The following FOXN3 variants were observed in gnomAD, a reference collection of about 807,000 sequenced individuals.
FOXN3 encodes forkhead box protein N3.
In FOXN3, 7 loss-of-function variants were observed where a neutral mutation model predicts 38.4. The observed-to-expected ratio is 0.18, with a 90% CI of 0.10 to 0.34. The LOEUF is 0.34. FOXN3 is among the 10% of genes least tolerant of loss of function. The pLI, the probability that FOXN3 is intolerant of heterozygous loss-of-function variation, is 1.00. For missense variants in FOXN3, 456 were observed against 613.4 expected, an observed-to-expected ratio of 0.74 and a Z score of 2.71; for synonymous variants, 230 against 242.2, an observed-to-expected ratio of 0.95 and a Z score of 0.47.
chr14:89,170,407 CAT>C (rs1490048688), intron 5 of FOXN3, among the ~76,000 whole-genome samples: 5 of 152,160 alleles, frequency 3.3e-5, no homozygotes, highest in Admixed American at 2.6e-4. Context: ...CTGATGCACA[CAT>C]GACATCTTTT....
intron 1 of FOXN3, among the ~76,000 whole-genome samples, chr14:89,514,882 T>A (rs1017547465): frequency 2.0e-5 from 3 of 151,696 alleles, no homozygotes; most frequent in Admixed American, 6.6e-5. Context: ...TTCGACAGCA[T>A]CGAGATGGCT....
At chr14:89,299,994 C>A (rs1271667556) in intron 3 of FOXN3, among the ~76,000 whole-genome samples, 1 of 152,148 alleles carries the variant, frequency 6.6e-6, no homozygotes, top group East Asian at 1.9e-4. Flanking sequence ...TCTGTCCCAG[C>A]ACAGCAGCAT....
intron 2 of FOXN3, chr14:89,351,402 C>T (rs1888965992): frequency 6.6e-6 from 1 of 152,228 alleles, no homozygotes; most frequent in African/African-American, 2.4e-5. Flanking sequence ...TAAAGCCCAA[C>T]TCAGAATCCA....
intron 2 of FOXN3, among the ~76,000 whole-genome samples, chr14:89,411,380 A>C (rs1336603809): frequency 6.6e-6 from 1 of 152,170 alleles, no homozygotes; most frequent in Non-Finnish European, 1.5e-5. Context: ...ACCAGATTTC[A>C]TGACAGTCAC....
At chr14:89,520,017 C>T (rs200401384) in intron 1 of FOXN3, among the ~76,000 whole-genome samples, 8 of 132,464 alleles carry the variant, frequency 6.0e-5, no homozygotes, top group African/African-American at 1.9e-4. Context: ...TTCTTTTTTT[C>T]TTTTTTTTTT....
intron 1 of FOXN3, among the ~76,000 whole-genome samples, chr14:89,431,822 C>T (rs896378446): frequency 6.6e-6 from 1 of 152,186 alleles, no homozygotes; most frequent in African/African-American, 2.4e-5. Flanking sequence ...TCAAGCAATT[C>T]TCCTGCCTCA....
chr14:89,327,923 G>A (rs1009318043), intron 3 of FOXN3, among the ~76,000 whole-genome samples: 5 of 152,156 alleles, frequency 3.3e-5, no homozygotes, highest in East Asian at 1.9e-4. Flanking sequence ...AGTGACTCAG[G>A]TTTACAGGAA....
intron 1 of FOXN3, among the ~76,000 whole-genome samples, chr14:89,451,435 G>A (rs144199866): frequency 8.5e-5 from 13 of 152,332 alleles, no homozygotes; most frequent in East Asian, 3.9e-4. Context: ...CCTACGGCCC[G>A]TCGGTCAACA....
intron 5 of FOXN3, among the ~76,000 whole-genome samples, chr14:89,179,890 G>T (rs1465480492): frequency 6.6e-6 from 1 of 152,236 alleles, no homozygotes; most frequent in Non-Finnish European, 1.5e-5. Context: ...GGCATATTTG[G>T]GGAACACATT....
At chr14:89,464,277 G>C (rs1566664964) in intron 1 of FOXN3, among the ~76,000 whole-genome samples, 1 of 152,166 alleles carries the variant, frequency 6.6e-6, no homozygotes, top group Non-Finnish European at 1.5e-5. Flanking sequence ...AGACCTGGGA[G>C]TCCCTAAGCT....
At chr14:89,261,262 C>G (rs1885791154) in intron 4 of FOXN3, among the ~76,000 whole-genome samples, 1 of 152,130 alleles carries the variant, frequency 6.6e-6, no homozygotes, top group Non-Finnish European at 1.5e-5. Flanking sequence ...GGAGCAACAC[C>G]ACTGAAGTCT....
chr14:89,511,780 G>T (rs146112484), intron 1 of FOXN3, among the ~76,000 whole-genome samples: 14 of 152,276 alleles, frequency 9.2e-5, no homozygotes, highest in South Asian at 4.1e-4. Context: ...CTGCAGGGCT[G>T]GGGAGGCCTC....
At chr14:89,330,367 C>T (rs1165508888) in intron 3 of FOXN3, among the ~76,000 whole-genome samples, 1 of 152,212 alleles carries the variant, frequency 6.6e-6, no homozygotes, top group Non-Finnish European at 1.5e-5. Flanking sequence ...AAGAAAGAAA[C>T]AGACATCCCG....
chr14:89,245,483 A>G (rs1349953043), intron 4 of FOXN3, among the ~76,000 whole-genome samples: 1 of 152,098 alleles, frequency 6.6e-6, no homozygotes, highest in African/African-American at 2.4e-5. Context: ...GGAGAAAAAA[A>G]AAAAAGAAAT....
At chr14:89,420,885 T>TAA (rs10654363), upstream of FOXN3, among the ~76,000 whole-genome samples, 67,305 of 140,608 alleles carry the variant, frequency 0.48, 17,945 homozygotes, top group Admixed American at 0.6. Context: ...AGATACGAAT[T>TAA]AAAAAAAAAA....
rs141390976 is a variant in FOXN3, at chr14:89,164,863, T to C, written c.852-1894A>G. ...AGGGAGACTTCAGCTGCATCCCACA[T>C]AGAAAGTGAAAGGGGAAGGGAAAGA... On this transcript the variant is annotated intron_variant, in intron 5 of 5. Transcript: ENST00000557258. This position sits in a 1 kb window ranked among gnomAD's most constrained non-coding sequence, Gnocchi z 4.3. 1.6e-3 allele frequency among the ~76,000 whole-genome samples: 244 copies of C among 151,966 alleles called. No individual in the cohort carries two copies. The highest frequency in any genetic ancestry group is 5.5e-3 in the African/African-American group (226 of 41,440).
At chr14:89,456,233 G>A (rs987727999) in intron 1 of FOXN3, among the ~76,000 whole-genome samples, 7 of 149,080 alleles carry the variant, frequency 4.7e-5, no homozygotes, top group South Asian at 2.1e-4. Flanking sequence ...AAAAGAGCCC[G>A]TGGGCCCTGC....
At chr14:89,357,057 C>T (rs796420927) in intron 2 of FOXN3, among the ~76,000 whole-genome samples, 11 of 152,102 alleles carry the variant, frequency 7.2e-5, no homozygotes, top group African/African-American at 1.9e-4. Flanking sequence ...GGACAGCTCC[C>T]GAATGTACTC....
intron 1 of FOXN3, among the ~76,000 whole-genome samples, chr14:89,432,007 G>T (rs1279865194): frequency 6.6e-6 from 1 of 152,310 alleles, no homozygotes; most frequent in African/African-American, 2.4e-5. Context: ...GAGCCACCAC[G>T]CCCGGCTGTG....
Sources: gnomAD v4.1 joint callset for allele counts (sites outside exome capture counted in the v4.1 genomes callset) on GRCh38, gnomAD v4.1.1 for gene constraint, Gnocchi (gnomAD v3.1) non-coding constraint, MANE v1.5 for transcripts, NCBI Gene and HGNC (gene_info 2026-07-23, HGNC 2026-07-21) for gene names.